Variants in IKZF3 observed in about 807,000 individuals in gnomAD.
IKZF3 encodes the protein zinc finger protein Aiolos.
Under a neutral mutation model 49.0 loss-of-function variants are expected in IKZF3, and 10 were observed. The observed-to-expected ratio is 0.20, with a 90% CI of 0.13 to 0.35. IKZF3 has a LOEUF of 0.35. IKZF3 is among the 10% of genes least tolerant of loss of function. The probability of loss-of-function intolerance (pLI) is 1.00; values close to 1 mark genes in which losing one functional copy is unlikely to be tolerated. For synonymous variants in IKZF3, 209 were observed against 228.2 expected, an observed-to-expected ratio of 0.92 and a Z score of 0.76; for missense variants, 498 against 664.8, an observed-to-expected ratio of 0.75 and a Z score of 2.76.
At chr17:39,835,759 ATCCAGGTAAGACTCCATCCAGC>A (rs2062258688) in intron 1 of IKZF3, 11 of 513,928 alleles carry the variant, frequency 2.1e-5, no homozygotes, top group Admixed American at 1.7e-4. Context: ...TAAGCTTGCC[ATCCAGGTAAGACTCCATCCAGC>A]TCCACCCTAT....
rs1006534 is a variant in IKZF3 at position 39,864,282 on chromosome 17, A to G, written c.-156T>C. ...CGCGTCGGCGCAGACTGAAAAGGGCAGGAGCCGGCGACCTGCCGGTGCGCG... is the reference window on the plus strand; with the variant it reads ...CGCGTCGGCGCAGACTGAAAAGGGCGGGAGCCGGCGACCTGCCGGTGCGCG... On this transcript the variant is annotated 5_prime_UTR_variant, in exon 1 of 8. Transcript: ENST00000346872. 1 of 790,342 alleles carries G rather than the reference A, an allele frequency of 1.3e-6. No homozygotes were observed. The highest frequency in any genetic ancestry group is 1.9e-6 in the Non-Finnish European group (1 of 514,516). The allele number at this position is 790,342 out of a possible 1,614,324, so 49.0% of individuals were successfully genotyped here. A position where few individuals can be genotyped will look rare whatever the true frequency, so the allele number is the denominator to read the frequency against.
intron 1 of IKZF3, among the ~76,000 whole-genome samples, chr17:39,854,607 G>A (rs1197358538): frequency 6.6e-6 from 1 of 152,166 alleles, no homozygotes; most frequent in Non-Finnish European, 1.5e-5. Context: ...TTAGAATGAG[G>A]GATGGCTTCC....
Position 39,849,485 on chromosome 17 carries a change from T to C in IKZF3, c.7+14635A>G, listed in dbSNP as rs528644645. Among the ~76,000 whole-genome samples the C allele has an allele frequency of 2.0e-4, 30 of 151,754 alleles. 1 individual carries two copies. Among genetic ancestry groups the C allele is most frequent in the African/African-American group, 6.3e-4 (26 of 41,416 alleles). ...ACCAGCCTGGCCAACATGGTGAAACTCCACCTCTACTAAAAACACAAAAAT... is the reference window on the plus strand; with the variant it reads ...ACCAGCCTGGCCAACATGGTGAAACCCCACCTCTACTAAAAACACAAAAAT... On this transcript the variant is annotated intron_variant, in intron 1 of 7. Transcript: ENST00000346872.
chr17:39,815,194 TA>T (rs2061651695), intron 3 of IKZF3, among the ~76,000 whole-genome samples: 1 of 152,212 alleles, frequency 6.6e-6, no homozygotes, highest in South Asian at 2.1e-4. Flanking sequence ...TTCTATTTTC[TA>T]AGTGGGAAAT....
chr17:39,819,230 A>C (rs1022658847), intron 3 of IKZF3, among the ~76,000 whole-genome samples: 1 of 152,238 alleles, frequency 6.6e-6, no homozygotes, highest in Non-Finnish European at 1.5e-5. Context: ...TATAAAACTC[A>C]TAGGCTACCC....
chr17:39,841,110 G>A (rs927997037), intron 1 of IKZF3, among the ~76,000 whole-genome samples: 6 of 151,982 alleles, frequency 3.9e-5, no homozygotes, highest in East Asian at 3.9e-4. Context: ...CCTGGAAGTC[G>A]AGGCTGCAGT....
At chr17:39,814,636 A>G (rs569346491) in intron 3 of IKZF3, among the ~76,000 whole-genome samples, 1 of 152,260 alleles carries the variant, frequency 6.6e-6, no homozygotes, top group South Asian at 2.1e-4. Flanking sequence ...AGATGCCCAC[A>G]GAGATGAAGC....
intron 1 of IKZF3, among the ~76,000 whole-genome samples, chr17:39,841,209 G>A (rs1484039869): frequency 6.6e-6 from 1 of 151,938 alleles, no homozygotes; most frequent in African/African-American, 2.4e-5. Flanking sequence ...CCACATGGAG[G>A]GACAGACAGC....
chr17:39,801,358 TG>T (rs375122184), intron 3 of IKZF3, among the ~76,000 whole-genome samples: 183 of 99,372 alleles, frequency 1.8e-3, no homozygotes, highest in South Asian at 4.1e-3. Context: ...AGAAAGGGGG[TG>T]GGGGGGGGCT....
chr17:39,787,314 A>G (rs1382010645), intron 6 of IKZF3, among the ~76,000 whole-genome samples: 1 of 152,262 alleles, frequency 6.6e-6, no homozygotes, highest in Non-Finnish European at 1.5e-5. Flanking sequence ...TGAGATATAG[A>G]AGAACATCTA....
intron 1 of IKZF3, among the ~76,000 whole-genome samples, chr17:39,842,975 AT>A (rs1393393463): frequency 6.6e-6 from 1 of 152,234 alleles, no homozygotes; most frequent in Non-Finnish European, 1.5e-5. Flanking sequence ...CAAAACACAA[AT>A]CAAACCATAA....
rs763650664 is a variant in IKZF3, at chr17:39,757,794, C to T, written c.*7996G>A. 1 of 152,150 alleles carries T rather than the reference C, an allele frequency of 6.6e-6. No individual in the cohort carries two copies. Among genetic ancestry groups the T allele is most frequent in the Non-Finnish European group, 1.5e-5 (1 of 68,028 alleles). The allele number at this position is 152,150 out of a possible 1,614,324, so 9.4% of individuals were successfully genotyped here. On this transcript the variant is annotated 3_prime_UTR_variant, in exon 8 of 8. Coordinates refer to ENST00000346872, the MANE Select transcript of IKZF3 (RefSeq NM_012481.5). ...TAAACCTAGAAAACTATCAGCAGGG[C>T]TATTTCTTACAGGGTTCCAGCAAGG...
At chr17:39,852,916 A>G (rs12949178) in intron 1 of IKZF3, among the ~76,000 whole-genome samples, 4,060 of 152,240 alleles carry the variant, frequency 0.027, 188 homozygotes, top group African/African-American at 0.093. Flanking sequence ...GGTTGCAGTG[A>G]GCCAAGATCA....
At chr17:39,807,171 T>G (rs2144058047) in intron 3 of IKZF3, among the ~76,000 whole-genome samples, 2 of 152,310 alleles carry the variant, frequency 1.3e-5, no homozygotes, top group Middle Eastern at 6.8e-3. Context: ...TTTGGGGTCA[T>G]TTGTCACACA....
At chr17:39,767,637 A>G (rs1210670904) in intron 7 of IKZF3, among the ~76,000 whole-genome samples, 1 of 152,214 alleles carries the variant, frequency 6.6e-6, no homozygotes, top group African/African-American at 2.4e-5. Flanking sequence ...AGCAATGAAA[A>G]TAAAGAAGAA....
intron 1 of IKZF3, among the ~76,000 whole-genome samples, chr17:39,840,881 T>G (rs2062445285): frequency 6.6e-6 from 1 of 151,488 alleles, no homozygotes; most frequent in African/African-American, 2.4e-5. Context: ...GTGAATGAGG[T>G]AAGGAGGGTT....
chr17:39,857,455 G>A (rs1485970156), intron 1 of IKZF3, among the ~76,000 whole-genome samples: 1 of 152,114 alleles, frequency 6.6e-6, no homozygotes, highest in Non-Finnish European at 1.5e-5. Flanking sequence ...GTGAAGAAAA[G>A]GTTTATAGTG....
intron 1 of IKZF3, among the ~76,000 whole-genome samples, chr17:39,856,312 G>A (rs552485983): frequency 6.6e-5 from 10 of 151,876 alleles, no homozygotes; most frequent in South Asian, 2.1e-4. Context: ...TTTTTGAGAC[G>A]GAGTCTGGCT....
intron 6 of IKZF3, among the ~76,000 whole-genome samples, chr17:39,785,286 T>C (rs200762429): frequency 6.6e-6 from 1 of 152,334 alleles, no homozygotes; most frequent in East Asian, 1.9e-4. Flanking sequence ...ATGCAGTAAC[T>C]TGATTAAGCT....
Sources: gnomAD v4.1 joint callset for allele counts (sites outside exome capture counted in the v4.1 genomes callset) on GRCh38, gnomAD v4.1.1 for gene constraint, MANE v1.5 for transcripts, NCBI Gene and HGNC (gene_info 2026-07-23, HGNC 2026-07-21) for gene names.